The following NME2 variants were observed in gnomAD, a reference collection of about 807,000 sequenced individuals.
NME2 encodes the protein NME/NM23 nucleoside diphosphate kinase 2.
NME2 carries 18 observed loss-of-function variants against 17.8 expected under a neutral mutation model. The observed-to-expected ratio is 1.01, with a 90% CI of 0.70 to 1.50. The LOEUF (loss-of-function observed/expected upper bound fraction) is 1.50. Ranked by LOEUF, NME2 falls within the 40% of genes most tolerant of loss-of-function variation. NME2 has a pLI of 0.00. For synonymous variants in NME2, 74 were observed against 71.4 expected (o/e 1.04, Z -0.19); for missense variants, 161 against 195.6 (o/e 0.82, Z 1.05).
chr17:51,168,533 TG>T lies in NME2; in HGVS notation c.228+192del, dbSNP rs540029836. ...AAATGGGAAGGATGTTAGCTGGGTG[TG>T]GTGGTGCACGGCTGTAATCTCAGCT... is the stretch of plus-strand genomic sequence containing the variant. On this transcript the variant is annotated intron_variant, in intron 3 of 4. Transcript: ENST00000512737. Among the ~76,000 whole-genome samples the T allele has an allele frequency of 2.0e-3, 301 of 152,206 alleles. 5 individuals carry two copies. The highest frequency in any genetic ancestry group is 5.1e-4 in the Non-Finnish European group (35 of 68,016).
intron 2 of NME2, 183 bp downstream of exon 2, chr17:51,167,139 C>A: frequency 7.5e-7 from 1 of 1,340,790 alleles, no homozygotes; most frequent in Non-Finnish European, 9.9e-7. Flanking sequence ...TGGGGACAGA[C>A]GCCCTTGGGA....
At chr17:51,170,264 C>G (rs1361241149) in intron 4 of NME2, among the ~76,000 whole-genome samples, 1 of 151,520 alleles carries the variant, frequency 6.6e-6, no homozygotes, top group Non-Finnish European at 1.5e-5. Context: ...GCCGCAGCCT[C>G]CCAAATAGCT....
intron 2 of NME2, chr17:51,167,386 G>C (rs4605213): frequency 0.43 from 95,841 of 221,690 alleles, 25,388 homozygotes; most frequent in African/African-American, 0.84. Flanking sequence ...AGGGTAGTGA[G>C]TGTATTTTCC....
upstream of NME2, chr17:51,166,028 G>C (rs2049928127): frequency 6.5e-6 from 1 of 152,694 alleles, no homozygotes; most frequent in African/African-American, 2.4e-5. Flanking sequence ...GGAGAGCCAA[G>C]TCAAGGTTAA....
chr17:51,167,220 C>T (rs2049964367), intron 2 of NME2: 1 of 628,898 alleles, frequency 1.6e-6, no homozygotes, highest in South Asian at 2.1e-5. Flanking sequence ...ACCTGCCCAC[C>T]CGCCGCAGGG....
At chr17:51,167,224 CGCAGGGGGGCA>C in intron 2 of NME2, 1 of 591,256 alleles carries the variant, frequency 1.7e-6, no homozygotes, top group South Asian at 2.1e-5. Context: ...GCCCACCCGC[CGCAGGGGGGCA>C]GCAGGGAGCG....
chr17:51,171,423 G>A (rs911599581), intron 4 of NME2, 64 bp from the exon 5 acceptor site: 27 of 1,426,988 alleles, frequency 1.9e-5, no homozygotes, highest in Admixed American at 1.6e-4. Flanking sequence ...TGTCCATTGC[G>A]GTACCCATTA....
rs886821690 is a variant in NME2, at chr17:51,168,095, A to G, written c.127-147A>G. On this transcript the variant is annotated intron_variant, in intron 2 of 4. Coordinates refer to ENST00000512737, the MANE Select transcript of NME2 (RefSeq NM_002512.4). ...ATTTAAAAAATATTTATGTGTGTGT[A>G]TATGTGTGTATATATATATATATTT... The G allele has an allele frequency of 1.0e-5, 6 of 588,950 alleles. No individual in the cohort carries two copies. The Admixed American group carries it at 1.6e-4, about 15-fold the overall frequency. The allele number at this position is 588,950 out of a possible 1,614,324, so 36.5% of individuals were successfully genotyped here. A position where few individuals can be genotyped will look rare whatever the true frequency, so the allele number is the denominator to read the frequency against.
chr17:51,171,510 C>A lies in NME2; in HGVS notation c.365C>A (p.Ser122Ter). 1.2e-6 allele frequency: 2 copies of A among 1,613,538 alleles called. No individual in the cohort carries two copies. The highest frequency in any genetic ancestry group is 1.1e-5 in the South Asian group (1 of 91,004). ...AGGAACATCATTCATGGCAGTGATT[C>A]AGTAAAAAGTGCTGAAAAAGAAATC... Reference protein sequence around the residue: ...VGRNIIHGSDSVKSAEKEISL... With the variant: ...VGRNIIHGSD The change falls in exon 5 of 5, where the codon TCA becomes TAA. Residue 122 changes from serine to a stop codon, truncating the protein, a stop_gained. Coordinates refer to ENST00000512737, the MANE Select transcript of NME2 (RefSeq NM_002512.4). LOFTEE classifies it high-confidence loss of function.
At chr17:51,167,298 G>T in intron 2 of NME2, 1 of 351,806 alleles carries the variant, frequency 2.8e-6, no homozygotes, top group East Asian at 8.9e-5. Flanking sequence ...GTCCACCTAG[G>T]CACAGAATGG....
At chr17:51,168,047 A>G in intron 2 of NME2, 195 bp from the exon 3 acceptor site, 1 of 378,714 alleles carries the variant, frequency 2.6e-6, no homozygotes, top group Non-Finnish European at 4.7e-6. Context: ...TTAAAATGGC[A>G]TTAGTTTCAT....
upstream of NME2, chr17:51,165,848 G>A (rs1441085382): frequency 6.6e-6 from 1 of 152,536 alleles, no homozygotes; most frequent in Non-Finnish European, 1.5e-5. Context: ...GCAGGGCAGA[G>A]GCAGGACCAG....
intron 4 of NME2, 88 bp downstream of exon 4, chr17:51,170,137 G>T: frequency 1.4e-5 from 13 of 939,802 alleles, no homozygotes; most frequent in Middle Eastern, 2.5e-4. Context: ...AGAAGAATCT[G>T]TGCCCTTTTT....
chr17:51,167,201 C>G (rs2049963699), intron 2 of NME2: 1 of 825,224 alleles, frequency 1.2e-6, no homozygotes, highest in Admixed American at 3.8e-5. Flanking sequence ...TTCCTTCCCG[C>G]GGGCCGCTAC....
At chr17:51,168,619 C>G (rs1056792201) in intron 3 of NME2, among the ~76,000 whole-genome samples, 1 of 151,874 alleles carries the variant, frequency 6.6e-6, no homozygotes, top group Non-Finnish European at 1.5e-5. Flanking sequence ...TGCAGTGAGC[C>G]GAGATCGTGC....
At chr17:51,166,801 C>A (rs771036946) in intron 1 of NME2, 26 bp from the exon 2 acceptor site, 3 of 1,593,504 alleles carry the variant, frequency 1.9e-6, no homozygotes, top group South Asian at 1.1e-5. Context: ...TGCGCCCGGG[C>A]CCTGACCGCA....
chr17:51,170,845 A>T (rs531703385), intron 4 of NME2, among the ~76,000 whole-genome samples: 1 of 151,896 alleles, frequency 6.6e-6, no homozygotes, highest in Non-Finnish European at 1.5e-5. Flanking sequence ...ACTTAATTTT[A>T]AGCAAGACAA....
At chr17:51,166,582 C>G (rs1199533982) in intron 1 of NME2, 85 bp downstream of exon 1, 2 of 274,802 alleles carry the variant, frequency 7.3e-6, no homozygotes, top group African/African-American at 4.5e-5. Flanking sequence ...GGTCTGTGGG[C>G]GCCCCCCGAT....
Position 51,168,034 on chromosome 17 carries a change from C to T in NME2, c.127-208C>T, listed in dbSNP as rs1038111879. ...ACACACCAAAAAAAGAACAGTCTTT[C>T]TGTTAAAATGGCATTAGTTTCATGG... On this transcript the variant is annotated intron_variant, in intron 2 of 4. Coordinates refer to ENST00000512737, the MANE Select transcript of NME2 (RefSeq NM_002512.4). 1.2e-5 allele frequency: 4 copies of T among 337,336 alleles called. No homozygotes were observed. The Admixed American group carries it at 1.4e-4, about 12-fold the overall frequency. The allele number at this position is 337,336 out of a possible 1,614,324, so 20.9% of individuals were successfully genotyped here. A position where few individuals can be genotyped will look rare whatever the true frequency, so the allele number is the denominator to read the frequency against.
Sources: gnomAD v4.1 joint callset for allele counts (sites outside exome capture counted in the v4.1 genomes callset) on GRCh38, gnomAD v4.1.1 for gene constraint, MANE v1.5 for transcripts, NCBI Gene and HGNC (gene_info 2026-07-23, HGNC 2026-07-21) for gene names.